Variants in ROCK1 observed in about 807,000 individuals in gnomAD.
The protein encoded by ROCK1 is rho-associated protein kinase 1.
Under a neutral mutation model 196.8 loss-of-function variants are expected in ROCK1, and 36 were observed. The ratio of observed to expected loss-of-function variants is 0.18; its 90% CI spans 0.14 to 0.24. ROCK1 has a LOEUF of 0.24. Among genes scored for constraint, ROCK1 ranks in the 10% least tolerant of loss-of-function variants. The pLI is 1.00. For missense variants in ROCK1, 920 were observed against 1,562.0 expected (o/e 0.59, Z 6.93); for synonymous variants, 443 against 515.9 (o/e 0.86, Z 1.91).
chr18:20,960,046 T>C, intron 28 of ROCK1, 90 bp downstream of exon 28: 2 of 1,067,310 alleles, frequency 1.9e-6, no homozygotes, highest in Non-Finnish European at 2.9e-6. Flanking sequence ...AAATAAATGC[T>C]AGTAAAAAAA....
At chr18:21,051,518 C>A (rs2036203913) in intron 2 of ROCK1, among the ~76,000 whole-genome samples, 1 of 152,224 alleles carries the variant, frequency 6.6e-6, no homozygotes, top group African/African-American at 2.4e-5. Context: ...CACAGAGGAA[C>A]TGTATCTAAG....
chr18:21,058,268 C>T (rs2036260801), intron 2 of ROCK1, among the ~76,000 whole-genome samples: 1 of 151,864 alleles, frequency 6.6e-6, no homozygotes, highest in South Asian at 2.1e-4. Flanking sequence ...CCCTTTGTTG[C>T]TTTTCTAATG....
At chr18:21,040,410 C>T (rs561076816) in intron 8 of ROCK1, among the ~76,000 whole-genome samples, 1 of 152,206 alleles carries the variant, frequency 6.6e-6, no homozygotes, top group Non-Finnish European at 1.5e-5. Context: ...AGAGCTTTCA[C>T]TGGACAAGTT....
intron 2 of ROCK1, among the ~76,000 whole-genome samples, chr18:21,055,440 G>A (rs2036238632): frequency 1.3e-5 from 2 of 152,040 alleles, no homozygotes; most frequent in Non-Finnish European, 1.5e-5. Flanking sequence ...TGAAACGAAC[G>A]AAACAATCAG....
intron 10 of ROCK1, among the ~76,000 whole-genome samples, chr18:21,026,922 T>C (rs1380705962): frequency 6.6e-6 from 1 of 151,706 alleles, no homozygotes; most frequent in African/African-American, 2.4e-5. Flanking sequence ...GCACTTTGTT[T>C]AGATTTCTTT....
At chr18:21,066,685 G>C (rs2036337680) in intron 2 of ROCK1, among the ~76,000 whole-genome samples, 1 of 152,202 alleles carries the variant, frequency 6.6e-6, no homozygotes, top group African/African-American at 2.4e-5. Flanking sequence ...GAATCATGCA[G>C]TATGTAGCCT....
chr18:20,999,956 A>G (rs2035708652), intron 16 of ROCK1, among the ~76,000 whole-genome samples: 1 of 152,220 alleles, frequency 6.6e-6, no homozygotes. Flanking sequence ...AGATGGCAAT[A>G]CTACACAAAG....
intron 2 of ROCK1, among the ~76,000 whole-genome samples, chr18:21,054,353 A>T (rs948920542): frequency 1.3e-5 from 2 of 152,158 alleles, no homozygotes; most frequent in Non-Finnish European, 2.9e-5. Context: ...AATACAAAAA[A>T]CATGCTTAGT....
Position 20,992,927 on chromosome 18 carries a change from T to C in ROCK1, c.1896A>G (p.Thr632=), listed in dbSNP as rs143186646. 113 of 1,608,928 alleles carry C rather than the reference T, an allele frequency of 7.0e-5. 1 individual carries two copies. The highest frequency in any genetic ancestry group is 6.6e-4 in the Middle Eastern group (4 of 6,050). ...GATGCTTCACCTCCTCTTGTAAAGA[T>C]GTAATTCGAGCTATCAAGTGAGAAA... ...EMIGDLQARI[T]SLQEEVKHLK... is the part of the protein sequence containing the mutation. Residue 632 remains threonine, a synonymous_variant, in exon 17 of 33, where the codon ACA becomes ACG. Transcript: ENST00000399799.
Position 21,023,659 on chromosome 18 carries a change from A to G in ROCK1, c.1233T>C (p.Pro411=). 6.3e-7 allele frequency: 1 copy of G among 1,580,656 alleles called. No homozygotes were observed. The highest frequency in any genetic ancestry group is 1.4e-5 in the African/African-American group (1 of 73,610). The change falls in exon 11 of 33, where the codon CCT becomes CCC. Residue 411 remains proline, a synonymous_variant. Transcript: ENST00000399799. ...CATTGGAGCTAGTTCTGTTATCATT[A>G]GGATTTGCTGAAGATAAGTATCTGA... ...SNRRYLSSAN[P]NDNRTSSNAD...
At chr18:21,088,608 T>C (rs1045654380) in intron 1 of ROCK1, among the ~76,000 whole-genome samples, 1 of 152,246 alleles carries the variant, frequency 6.6e-6, no homozygotes, top group Non-Finnish European at 1.5e-5. Flanking sequence ...TGCTATGGTC[T>C]GAAAGTGCCA....
chr18:20,971,450 T>G (rs1361274700), intron 22 of ROCK1, among the ~76,000 whole-genome samples: 1 of 151,772 alleles, frequency 6.6e-6, no homozygotes, highest in Non-Finnish European at 1.5e-5. Flanking sequence ...AATTAAGAGA[T>G]ACAGCAGGCC....
intron 1 of ROCK1, among the ~76,000 whole-genome samples, chr18:21,091,076 C>A (rs1265419616): frequency 1.3e-5 from 2 of 151,540 alleles, no homozygotes; most frequent in African/African-American, 4.9e-5. Context: ...AAATATACAC[C>A]GAGTATGCCT....
In ROCK1 at chr18:20,951,377, C is replaced by G; in HGVS notation, c.*7G>C. 6.3e-7 allele frequency: 1 copy of G among 1,599,664 alleles called. No individual in the cohort carries two copies. Among genetic ancestry groups the G allele is most frequent in the African/African-American group, 1.3e-5 (1 of 74,502 alleles). On this transcript the variant is annotated 3_prime_UTR_variant, in exon 33 of 33. Transcript: ENST00000399799. ...CACACGATTCCACAGGGCACTCAGT[C>G]ACATGGTTAACTGTTGAGGGAGGGG...
chr18:21,091,762 T>A (rs2143585973), intron 1 of ROCK1, among the ~76,000 whole-genome samples: 2 of 152,112 alleles, frequency 1.3e-5, no homozygotes, highest in Middle Eastern at 6.8e-3. Flanking sequence ...CTTGAGCCCA[T>A]GAGTTTGAGA....
intron 1 of ROCK1, among the ~76,000 whole-genome samples, chr18:21,078,479 C>T (rs553858940): frequency 7.9e-5 from 12 of 152,038 alleles, no homozygotes; most frequent in African/African-American, 2.4e-4. Flanking sequence ...GAAGGTTTTT[C>T]GCAGCTCTTG....
intron 12 of ROCK1, among the ~76,000 whole-genome samples, chr18:21,017,729 T>C (rs2035876217): frequency 6.6e-6 from 1 of 151,634 alleles, no homozygotes. Flanking sequence ...TCCCAGCACT[T>C]TGGGAGGCCG....
intron 13 of ROCK1, among the ~76,000 whole-genome samples, chr18:21,012,226 C>G (rs1223038450): frequency 6.6e-6 from 1 of 152,226 alleles, no homozygotes; most frequent in South Asian, 2.1e-4. Context: ...GTTGGGATTA[C>G]AGGTGTGAAC....
At chr18:20,992,152 T>C (rs1383974239) in intron 17 of ROCK1, among the ~76,000 whole-genome samples, 2 of 152,232 alleles carry the variant, frequency 1.3e-5, no homozygotes, top group Non-Finnish European at 2.9e-5. Context: ...AAGCTTCTTT[T>C]ATCCTATGTC....
Sources: allele counts gnomAD v4.1 joint callset (sites outside exome capture counted in the v4.1 genomes callset), GRCh38; gene constraint gnomAD v4.1.1; transcripts MANE v1.5; gene names NCBI Gene and HGNC (gene_info 2026-07-23, HGNC 2026-07-21).